The following AGMO variants were observed in gnomAD, a reference collection of about 807,000 sequenced individuals.
AGMO encodes alkylglycerol monooxygenase.
AGMO carries 75 observed loss-of-function variants against 60.2 expected under a neutral mutation model. That is an observed-to-expected ratio of 1.25 (90% CI 1.03 to 1.51). The LOEUF (loss-of-function observed/expected upper bound fraction) is 1.51. Ranked by LOEUF, AGMO falls within the 40% of genes most tolerant of loss-of-function variation. The probability of loss-of-function intolerance (pLI) is 0.00; values close to 1 mark genes in which losing one functional copy is unlikely to be tolerated. For synonymous variants in AGMO, 261 were observed against 177.1 expected (o/e 1.47, Z -3.76); for missense variants, 763 against 525.5 (o/e 1.45, Z -4.42).
At chr7:15,263,733 C>G (rs57362970) in intron 12 of AGMO, among the ~76,000 whole-genome samples, 1 of 151,822 alleles carries the variant, frequency 6.6e-6, no homozygotes, top group Non-Finnish European at 1.5e-5. Flanking sequence ...TACTCAGCCA[C>G]GAAAAAGGAA....
At chr7:15,448,684 T>A (rs547341511) in intron 3 of AGMO, among the ~76,000 whole-genome samples, 2 of 152,034 alleles carry the variant, frequency 1.3e-5, no homozygotes, top group African/African-American at 4.8e-5. Context: ...GCCATAATTT[T>A]AAATTTTGCT....
rs766821231 is a variant in AGMO at position 15,561,826 on chromosome 7, T to A, written c.20A>T (p.Gln7Leu). 6.2e-7 allele frequency: 1 copy of A among 1,608,510 alleles called. No individual in the cohort carries two copies. Among genetic ancestry groups the A allele is most frequent in the South Asian group, 1.1e-5 (1 of 90,334 alleles). The change falls in exon 1 of 13, where the codon CAG becomes CTG. Residue 7 changes from glutamine (Q) to leucine (L), a missense_variant. Gln to Leu is a moderately radical substitution (Grantham distance 113). Coordinates refer to ENST00000342526, the MANE Select transcript of AGMO (RefSeq NM_001004320.2). MKNPEA[Q>L]QDVSVSQGFR... The stretch of plus-strand genomic sequence containing the variant: ...TCCCTGGGAAACTGAAACATCCTGC[T>A]GGGCTTCTGGGTTCTTCATTTCTGC...
At chr7:15,208,771 T>C (rs1020377624) in intron 12 of AGMO, among the ~76,000 whole-genome samples, 10 of 152,206 alleles carry the variant, frequency 6.6e-5, no homozygotes, top group East Asian at 1.9e-4. Context: ...AACAATTTCA[T>C]TTAATTTTTC....
chr7:15,418,369 G>A (rs1399246805), intron 5 of AGMO, among the ~76,000 whole-genome samples, 189 bp downstream of exon 5: 1 of 151,772 alleles, frequency 6.6e-6, no homozygotes, highest in Non-Finnish European at 1.5e-5. Context: ...GAGACCAACT[G>A]GCCTCATTGC....
At chr7:15,326,363 C>T (rs1781339632) in intron 12 of AGMO, among the ~76,000 whole-genome samples, 2 of 152,092 alleles carry the variant, frequency 1.3e-5, no homozygotes, top group African/African-American at 2.4e-5. Flanking sequence ...TAGAATATAG[C>T]GTCTTGGCAA....
chr7:15,447,426 A>G (rs1781729081), intron 3 of AGMO, among the ~76,000 whole-genome samples: 1 of 152,260 alleles, frequency 6.6e-6, no homozygotes, highest in Non-Finnish European at 1.5e-5. Context: ...GTAACTTGAC[A>G]TAAAACAGGT....
chr7:15,305,395 G>C (rs1289264650), intron 12 of AGMO, among the ~76,000 whole-genome samples: 1 of 151,902 alleles, frequency 6.6e-6, no homozygotes. Context: ...TGAGCAATTT[G>C]AGTAAAGTAT....
intron 3 of AGMO, among the ~76,000 whole-genome samples, chr7:15,496,272 C>T (rs1030891183): frequency 6.6e-6 from 1 of 152,160 alleles, no homozygotes; most frequent in African/African-American, 2.4e-5. Context: ...TGATCAGCTG[C>T]AGAACCAGTT....
At chr7:15,342,145 T>C (rs911242576) in intron 12 of AGMO, among the ~76,000 whole-genome samples, 1 of 115,424 alleles carries the variant, frequency 8.7e-6, no homozygotes, top group Non-Finnish European at 1.6e-5. Context: ...TTGCCTCCAG[T>C]AAGCTGAGAG....
At chr7:15,495,590 T>C (rs908030472) in intron 3 of AGMO, among the ~76,000 whole-genome samples, 1 of 152,220 alleles carries the variant, frequency 6.6e-6, no homozygotes, top group African/African-American at 2.4e-5. Flanking sequence ...GTCTCAGTTT[T>C]TCAGCACATT....
chr7:15,360,440 A>T (rs369601968), intron 12 of AGMO, among the ~76,000 whole-genome samples: 3 of 152,222 alleles, frequency 2.0e-5, no homozygotes, highest in Non-Finnish European at 4.4e-5. Context: ...GACGATTAAC[A>T]CATATTCTGT....
chr7:15,353,398 T>C (rs1025046506), intron 12 of AGMO, among the ~76,000 whole-genome samples: 6 of 152,294 alleles, frequency 3.9e-5, no homozygotes, highest in Admixed American at 3.3e-4. Context: ...ATTCATGTTA[T>C]AACTCACTCA....
the AGMO span, among the ~76,000 whole-genome samples, chr7:15,151,684 T>G: frequency 1.3e-5 from 2 of 152,110 alleles, no homozygotes; most frequent in African/African-American, 4.8e-5. Flanking sequence ...TTTGCAGGAT[T>G]TGGGTCTTTT....
At chr7:15,372,189 G>A (rs866968843) in intron 10 of AGMO, among the ~76,000 whole-genome samples, 2 of 152,040 alleles carry the variant, frequency 1.3e-5, no homozygotes, top group African/African-American at 4.8e-5. Flanking sequence ...GGTGGCTCAT[G>A]CGTGTAATCC....
intron 3 of AGMO, among the ~76,000 whole-genome samples, chr7:15,466,352 A>AT (rs1367379723): frequency 6.6e-6 from 1 of 152,240 alleles, no homozygotes; most frequent in Non-Finnish European, 1.5e-5. Context: ...GCTCGTAAGC[A>AT]TTTTTTTGGT....
At chr7:15,272,628 C>A (rs1311467040) in intron 12 of AGMO, among the ~76,000 whole-genome samples, 2 of 152,010 alleles carry the variant, frequency 1.3e-5, no homozygotes, top group African/African-American at 4.8e-5. Context: ...GGTTTATAAT[C>A]CTTTGGGTAT....
chr7:15,148,252 G>C, the AGMO span, among the ~76,000 whole-genome samples: 10 of 151,912 alleles, frequency 6.6e-5, no homozygotes, highest in Non-Finnish European at 1.3e-4. Context: ...TCTCTTATGA[G>C]TAAAATGTAT....
rs574981846 is a variant in AGMO at position 15,535,635 on chromosome 7, A to G, written c.409+9137T>C. 3.1e-3 allele frequency among the ~76,000 whole-genome samples: 478 copies of G among 151,798 alleles called. 1 individual carries two copies. The highest frequency in any genetic ancestry group is 0.011 in the African/African-American group (463 of 41,486). The stretch of plus-strand genomic sequence containing the variant: ...GGATGTAAGCACCCAAAGGGTAACA[A>G]CTTTAAAAAAATATCTTAATTTTTG... On this transcript the variant is annotated intron_variant, in intron 3 of 12. Coordinates refer to ENST00000342526, the MANE Select transcript of AGMO (RefSeq NM_001004320.2).
At chr7:15,345,623 T>A (rs1315885613) in intron 12 of AGMO, among the ~76,000 whole-genome samples, 5 of 152,228 alleles carry the variant, frequency 3.3e-5, no homozygotes, top group Non-Finnish European at 5.9e-5. Flanking sequence ...CCAATATCTA[T>A]CTTGGTACTT....
Sources: allele counts gnomAD v4.1 joint callset (sites outside exome capture counted in the v4.1 genomes callset), GRCh38; gene constraint gnomAD v4.1.1; transcripts MANE v1.5; gene names NCBI Gene and HGNC (gene_info 2026-07-23, HGNC 2026-07-21).